The following HACD3 variants were observed in gnomAD, a reference collection of about 807,000 sequenced individuals.
The protein encoded by HACD3 is 3-hydroxyacyl-CoA dehydratase 3.
A neutral mutation model predicts 55.2 loss-of-function variants in HACD3; 30 were observed. The observed-to-expected ratio is 0.54, with a 90% CI of 0.41 to 0.74. The LOEUF is 0.74. HACD3 is among the 30% of genes least tolerant of loss of function. The pLI is 0.00. For synonymous variants in HACD3, 141 were observed against 151.7 expected (o/e 0.93, Z 0.52); for missense variants, 363 against 440.1 (o/e 0.82, Z 1.57).
intron 4 of HACD3, among the ~76,000 whole-genome samples, chr15:65,558,459 A>C (rs919147272): frequency 2.0e-5 from 3 of 152,188 alleles, no homozygotes; most frequent in Non-Finnish European, 4.4e-5. Context: ...CACTGGGTTA[A>C]TTTTGTGAAC....
At chr15:65,544,241 A>G (rs1183750865) in intron 1 of HACD3, among the ~76,000 whole-genome samples, 4 of 152,074 alleles carry the variant, frequency 2.6e-5, no homozygotes, top group Non-Finnish European at 1.5e-5. Flanking sequence ...AGAAATATAG[A>G]CCAGAGAGGG....
At chr15:65,547,879 G>C (rs929782050) in intron 1 of HACD3, among the ~76,000 whole-genome samples, 1 of 152,192 alleles carries the variant, frequency 6.6e-6, no homozygotes, top group Admixed American at 6.5e-5. Flanking sequence ...ATAAGACACA[G>C]TCCCTGCCAT....
intron 7 of HACD3, among the ~76,000 whole-genome samples, chr15:65,567,194 C>G (rs917562428): frequency 5.3e-5 from 8 of 152,014 alleles, no homozygotes; most frequent in Admixed American, 3.3e-4. Flanking sequence ...GTGATGTGCA[C>G]CTATATTCCC....
At chr15:65,543,490 T>C (rs1055280649) in intron 1 of HACD3, among the ~76,000 whole-genome samples, 1 of 152,220 alleles carries the variant, frequency 6.6e-6, no homozygotes, top group Admixed American at 6.5e-5. Context: ...ACTAATGTTA[T>C]TAGGAAGCTT....
chr15:65,550,547 G>A (rs1423509611), intron 1 of HACD3, among the ~76,000 whole-genome samples: 1 of 152,172 alleles, frequency 6.6e-6, no homozygotes, highest in Non-Finnish European at 1.5e-5. Flanking sequence ...AGGTCTAAAT[G>A]GCTTCACCTG....
intron 1 of HACD3, among the ~76,000 whole-genome samples, chr15:65,534,769 C>T (rs942168330): frequency 1.3e-5 from 2 of 152,166 alleles, no homozygotes; most frequent in Non-Finnish European, 2.9e-5. Context: ...CGCTCTTCAT[C>T]CAGACAGATA....
intron 5 of HACD3, among the ~76,000 whole-genome samples, chr15:65,562,412 A>G (rs946980498): frequency 1.3e-5 from 2 of 152,162 alleles, no homozygotes; most frequent in East Asian, 3.8e-4. Flanking sequence ...AAACTGTAAC[A>G]AGGGCTGTGG....
intron 1 of HACD3, among the ~76,000 whole-genome samples, chr15:65,543,600 A>G (rs2072043738): frequency 6.6e-6 from 1 of 152,212 alleles, no homozygotes; most frequent in African/African-American, 2.4e-5. Flanking sequence ...TTAAATTCCT[A>G]GCTAGCCCAC....
intron 3 of HACD3, among the ~76,000 whole-genome samples, chr15:65,555,601 G>C (rs188937139): frequency 6.4e-4 from 97 of 152,308 alleles, no homozygotes; most frequent in African/African-American, 2.3e-3. Flanking sequence ...GTTGTTTTGA[G>C]AAAGCATGAA....
At chr15:65,534,695 G>A (rs1467324627) in intron 1 of HACD3, among the ~76,000 whole-genome samples, 2 of 152,018 alleles carry the variant, frequency 1.3e-5, no homozygotes, top group African/African-American at 4.8e-5. Flanking sequence ...CATGAGATTG[G>A]GTCCTTGTTC....
intron 1 of HACD3, among the ~76,000 whole-genome samples, chr15:65,549,051 A>C (rs1178643867): frequency 6.6e-6 from 1 of 152,170 alleles, no homozygotes; most frequent in African/African-American, 2.4e-5. Context: ...TCATAAGCAA[A>C]GGCACAGTTT....
In HACD3 at chr15:65,549,149, C is replaced by T. The variant is rs115203466; in HGVS notation, c.88-2527C>T. Among the ~76,000 whole-genome samples, 641 of 152,274 alleles carry T rather than the reference C, an allele frequency of 4.2e-3. 5 individuals carry two copies. Among genetic ancestry groups the T allele is most frequent in the African/African-American group, 0.015 (605 of 41,560 alleles). On this transcript the variant is annotated intron_variant, in intron 1 of 10. Transcript: ENST00000261875. ...GTGTTGAATAAAAATGTCTTAAAAACATCGAAAAGTTAACACGGTAGAAAT... is the reference window on the plus strand; with the variant it reads ...GTGTTGAATAAAAATGTCTTAAAAATATCGAAAAGTTAACACGGTAGAAAT...
At chr15:65,553,781 A>G (rs2072159488) in intron 2 of HACD3, among the ~76,000 whole-genome samples, 1 of 152,244 alleles carries the variant, frequency 6.6e-6, no homozygotes, top group Admixed American at 6.5e-5. Flanking sequence ...ATTAGTCTAC[A>G]TATGATCAGA....
intron 2 of HACD3, among the ~76,000 whole-genome samples, chr15:65,553,367 A>T (rs2072154597): frequency 6.6e-6 from 1 of 151,488 alleles, no homozygotes; most frequent in Admixed American, 6.6e-5. Context: ...ACAGTCTCTG[A>T]TTCTGTGAAT....
intron 8 of HACD3, among the ~76,000 whole-genome samples, chr15:65,570,929 C>T (rs973589447): frequency 6.6e-6 from 1 of 152,058 alleles, no homozygotes; most frequent in African/African-American, 2.4e-5. Context: ...CCTCTAATAG[C>T]CTTAATACAA....
At chr15:65,537,976 T>A (rs1201385842) in intron 1 of HACD3, among the ~76,000 whole-genome samples, 21 of 51,770 alleles carry the variant, frequency 4.1e-4, no homozygotes, top group Non-Finnish European at 5.0e-4. Flanking sequence ...TATATATATA[T>A]ATATATATAT....
chr15:65,548,925 G>A (rs1027960584), intron 1 of HACD3, among the ~76,000 whole-genome samples: 3 of 152,036 alleles, frequency 2.0e-5, no homozygotes, highest in African/African-American at 7.3e-5. Context: ...TACTTGCTAT[G>A]TATGTTCCCC....
chr15:65,542,143 C>T (rs374647494), intron 1 of HACD3, among the ~76,000 whole-genome samples: 5 of 144,860 alleles, frequency 3.5e-5, no homozygotes, highest in African/African-American at 1.3e-4. Flanking sequence ...GCAGGAGAAT[C>T]GCTTGAACCT....
At chr15:65,549,287 T>C (rs761055563) in intron 1 of HACD3, among the ~76,000 whole-genome samples, 1 of 151,828 alleles carries the variant, frequency 6.6e-6, no homozygotes, top group Non-Finnish European at 1.5e-5. Flanking sequence ...GCGCAGGCAA[T>C]AGAAGTAAGG....
Sources: gnomAD v4.1 joint callset for allele counts (sites outside exome capture counted in the v4.1 genomes callset) on GRCh38, gnomAD v4.1.1 for gene constraint, MANE v1.5 for transcripts, NCBI Gene and HGNC (gene_info 2026-07-23, HGNC 2026-07-21) for gene names.